MICAL3: variants seen among roughly 807,000 people sequenced by gnomAD.
MICAL3 encodes microtubule associated monooxygenase, calponin and LIM domain containing 3.
Under a neutral mutation model 207.4 loss-of-function variants are expected in MICAL3, and 62 were observed. The ratio of observed to expected loss-of-function variants is 0.30; its 90% CI spans 0.24 to 0.37. MICAL3 has a LOEUF of 0.37. Ranked by LOEUF, MICAL3 falls within the 10% of genes least tolerant of loss-of-function variation. MICAL3 has a pLI of 1.00. For missense variants in MICAL3, 2,368 were observed against 2,635.6 expected, an observed-to-expected ratio of 0.90 and a Z score of 2.22; for synonymous variants, 1,077 against 1,069.3, an observed-to-expected ratio of 1.01 and a Z score of -0.14.
chr22:17,865,006 AAAG>A lies in MICAL3; in HGVS notation c.2518-23_2518-21del, dbSNP rs1000522264. 22 of 1,591,068 alleles carry A rather than the reference AAAG, an allele frequency of 1.4e-5. No homozygotes were observed. The highest frequency in any genetic ancestry group is 1.6e-5 in the Non-Finnish European group (19 of 1,163,594). ...GGCCTCCTAGGAAAGTTCATGAGAA[AAAG>A]AAGAGTGACTCTGACTGATGCACTC... On this transcript the variant is annotated intron_variant, in intron 18 of 31. Coordinates refer to ENST00000441493, the MANE Select transcript of MICAL3 (RefSeq NM_015241.3).
chr22:17,833,649 AC>A (rs965732750), intron 20 of MICAL3, among the ~76,000 whole-genome samples: 1 of 152,202 alleles, frequency 6.6e-6, no homozygotes, highest in Non-Finnish European at 1.5e-5. Context: ...TGGGGCTGTC[AC>A]TGTTTGCCGG....
chr22:17,881,209 T>G, intron 16 of MICAL3: 1 of 1,612,472 alleles, frequency 6.2e-7, no homozygotes, highest in Non-Finnish European at 8.5e-7. Context: ...GATCACCTGC[T>G]GGCCGCCATG....
At chr22:17,830,234 T>C (rs1428359357) in intron 21 of MICAL3, among the ~76,000 whole-genome samples, 5 of 151,226 alleles carry the variant, frequency 3.3e-5, no homozygotes, top group Admixed American at 1.3e-4. Flanking sequence ...GAGAAGGGAG[T>C]AGTGGTGTCC....
intron 1 of MICAL3, among the ~76,000 whole-genome samples, chr22:17,963,992 C>A (rs572526756): frequency 6.6e-6 from 1 of 152,318 alleles, no homozygotes; most frequent in African/African-American, 2.4e-5. Flanking sequence ...ATGGCAATAA[C>A]AACCATTATT....
intron 1 of MICAL3, among the ~76,000 whole-genome samples, chr22:17,991,714 GAA>G (rs1921702972): frequency 6.6e-6 from 1 of 152,160 alleles, no homozygotes; most frequent in Non-Finnish European, 1.5e-5. Flanking sequence ...AAAGGTCTTA[GAA>G]AATAAAAGGT....
intron 1 of MICAL3, among the ~76,000 whole-genome samples, chr22:18,022,992 G>A (rs954268093): frequency 6.6e-6 from 1 of 152,168 alleles, no homozygotes; most frequent in Non-Finnish European, 1.5e-5. Context: ...TTCATCCTGA[G>A]CTTCTTGGAG....
intron 1 of MICAL3, among the ~76,000 whole-genome samples, chr22:17,927,018 G>A (rs963035606): frequency 6.6e-6 from 1 of 152,036 alleles, no homozygotes; most frequent in Admixed American, 6.5e-5. Flanking sequence ...CACAACCATC[G>A]CCACTGTCTA....
chr22:17,816,332 G>C (rs1000253609), intron 27 of MICAL3, among the ~76,000 whole-genome samples: 1 of 152,228 alleles, frequency 6.6e-6, no homozygotes, highest in Admixed American at 6.5e-5. Context: ...GGACTGCGCA[G>C]TGTTCTCCAG....
chr22:18,012,005 T>A (rs917469257), intron 1 of MICAL3, among the ~76,000 whole-genome samples: 39 of 151,956 alleles, frequency 2.6e-4, no homozygotes, highest in African/African-American at 8.9e-4. Flanking sequence ...AAGGCCAAGG[T>A]GGGCAGATCA....
At chr22:17,992,462 A>G (rs1921788097) in intron 1 of MICAL3, among the ~76,000 whole-genome samples, 1 of 152,218 alleles carries the variant, frequency 6.6e-6, no homozygotes, top group African/African-American at 2.4e-5. Flanking sequence ...CTGCACTTGC[A>G]TGGCTGACAA....
intron 29 of MICAL3, among the ~76,000 whole-genome samples, chr22:17,800,556 A>C (rs2061926950): frequency 6.6e-6 from 1 of 152,178 alleles, no homozygotes; most frequent in African/African-American, 2.4e-5. Flanking sequence ...CAGAGCCTTT[A>C]GGTAGTTCAC....
intron 2 of MICAL3, 102 bp downstream of exon 2, chr22:17,906,447 A>G (rs1931725198): frequency 1.2e-6 from 2 of 1,603,542 alleles, no homozygotes; most frequent in South Asian, 2.2e-5. Context: ...TGGCACCCAG[A>G]CCTTGTAGAT....
intron 27 of MICAL3, chr22:17,814,442 T>C (rs1747359872): frequency 6.6e-6 from 1 of 152,246 alleles, no homozygotes; most frequent in African/African-American, 2.4e-5. Context: ...TAAAAGTACA[T>C]TAACAGTGCC....
rs1810976063 is a variant in MICAL3, at chr22:17,790,574, C to T, written c.*158G>A. Reference sequence around the variant, plus strand: ...AACCACTGTCACCTGGGGCTCCCCACTGCACGCGGGACTCGACCACTTTCC... The same window carrying T: ...AACCACTGTCACCTGGGGCTCCCCATTGCACGCGGGACTCGACCACTTTCC... On this transcript the variant is annotated 3_prime_UTR_variant, in exon 32 of 32. Coordinates refer to ENST00000441493, the MANE Select transcript of MICAL3 (RefSeq NM_015241.3). The T allele has an allele frequency of 3.0e-6, 2 of 672,436 alleles. No homozygotes were observed. The highest frequency in any genetic ancestry group is 5.9e-5 in the Admixed American group (2 of 34,108). 41.7% of individuals were successfully genotyped at this position (672,436 alleles called of 1,614,324 possible).
In MICAL3 at chr22:17,978,047, TAAAA is replaced by T. The variant is rs1285671834; in HGVS notation, c.-75+46230_-75+46233del. ...CATAAAAAATAAATAAATAATAAAA[TAAAA>T]TAAAATAAAAAAATATACACCTACA... On this transcript the variant is annotated intron_variant, in intron 1 of 31. Transcript: ENST00000441493. Among the ~76,000 whole-genome samples the T allele has an allele frequency of 4.4e-5, 6 of 137,670 alleles. No individual in the cohort carries two copies. In the East Asian group the frequency reaches 1.2e-3, roughly 27 times the overall value. 90.3% of individuals were successfully genotyped at this position (137,670 alleles called of 152,430 possible).
intron 1 of MICAL3, among the ~76,000 whole-genome samples, chr22:17,948,822 A>G (rs1934192962): frequency 6.7e-6 from 1 of 148,982 alleles, no homozygotes. Context: ...CTGAGGTGGG[A>G]GGATAGCTTG....
At chr22:17,904,979 C>A (rs73386397) in intron 2 of MICAL3, 140 bp from the exon 3 acceptor site, 4 of 668,296 alleles carry the variant, frequency 6.0e-6, no homozygotes, top group South Asian at 5.4e-5. Flanking sequence ...TTCACACCTA[C>A]GTGGGTCACA....
intron 1 of MICAL3, among the ~76,000 whole-genome samples, chr22:17,999,421 C>G (rs1922677964): frequency 6.6e-6 from 1 of 152,156 alleles, no homozygotes; most frequent in Admixed American, 6.5e-5. Flanking sequence ...TGGGGGGGAC[C>G]TCATTACCCT....
At chr22:17,808,035 G>A (rs1352833921) in intron 29 of MICAL3, among the ~76,000 whole-genome samples, 1 of 152,260 alleles carries the variant, frequency 6.6e-6, no homozygotes. Context: ...CCCCGGGGCT[G>A]GTCCTGCAGC....
Sources: gnomAD v4.1 joint callset for allele counts (sites outside exome capture counted in the v4.1 genomes callset) on GRCh38, gnomAD v4.1.1 for gene constraint, MANE v1.5 for transcripts, NCBI Gene and HGNC (gene_info 2026-07-23, HGNC 2026-07-21) for gene names.